The following DCAF1 variants were observed in gnomAD, a reference collection of about 807,000 sequenced individuals.
DCAF1 encodes DDB1 and CUL4 associated factor 1.
DCAF1 carries 15 observed loss-of-function variants against 128.0 expected under a neutral mutation model. That is an observed-to-expected ratio of 0.12 (90% CI 0.08 to 0.18). The LOEUF (loss-of-function observed/expected upper bound fraction) is 0.18. DCAF1 is among the 10% of genes least tolerant of loss of function. The pLI, the probability that DCAF1 is intolerant of heterozygous loss-of-function variation, is 1.00. For missense variants in DCAF1, 988 were observed against 1,649.5 expected, an observed-to-expected ratio of 0.60 and a Z score of 6.95; for synonymous variants, 610 against 603.0, an observed-to-expected ratio of 1.01 and a Z score of -0.17.
the DCAF1 span, among the ~76,000 whole-genome samples, chr3:51,505,212 C>T: frequency 6.6e-6 from 1 of 151,212 alleles, no homozygotes; most frequent in Non-Finnish European, 1.5e-5. Flanking sequence ...TGCAGTGAGC[C>T]GAGATCACAC....
At chr3:51,471,058 C>A in intron 3 of DCAF1, 53 bp from the exon 4 acceptor site, 9 of 1,218,844 alleles carry the variant, frequency 7.4e-6, no homozygotes, top group Non-Finnish European at 1.1e-5. Flanking sequence ...AAAAATGGAC[C>A]ACCACTACAA....
rs563605789 is a variant in DCAF1 at position 51,490,015 on chromosome 3, T to C, written c.-8-6179A>G. 1.2e-4 allele frequency among the ~76,000 whole-genome samples: 19 copies of C among 152,228 alleles called. 1 individual carries two copies. In the South Asian group the frequency reaches 3.9e-3, roughly 32 times the overall value. On this transcript the variant is annotated intron_variant, in intron 2 of 24. Transcript: ENST00000684031. ...ACAAGAGCAACACACAAAAATCAGT[T>C]GTACTGCTATACACTAGCCAAAAAA...
upstream of DCAF1, among the ~76,000 whole-genome samples, chr3:51,501,900 C>T (rs1708825829): frequency 6.6e-6 from 1 of 152,174 alleles, no homozygotes; most frequent in African/African-American, 2.4e-5. Flanking sequence ...ATTTAACCCT[C>T]ACTACCCTGC....
At chr3:51,444,813 C>T (rs1470977303) in intron 6 of DCAF1, among the ~76,000 whole-genome samples, 2 of 151,898 alleles carry the variant, frequency 1.3e-5, no homozygotes, top group African/African-American at 4.8e-5. Context: ...GTAGCTGGGA[C>T]TACAGGCACC....
intron 5 of DCAF1, among the ~76,000 whole-genome samples, chr3:51,465,519 G>A (rs1314247621): frequency 6.6e-6 from 1 of 152,044 alleles, no homozygotes; most frequent in Non-Finnish European, 1.5e-5. Context: ...CGAGGCAGGT[G>A]GATCACCTGA....
At chr3:51,415,476 C>T (rs1334821673) in intron 18 of DCAF1, among the ~76,000 whole-genome samples, 1 of 152,140 alleles carries the variant, frequency 6.6e-6, no homozygotes, top group East Asian at 1.9e-4. Context: ...GCCTGGGTGA[C>T]AGAACAAGAC....
At chr3:51,480,104 TAA>T (rs782106577) in intron 3 of DCAF1, among the ~76,000 whole-genome samples, 153 of 93,102 alleles carry the variant, frequency 1.6e-3, no homozygotes, top group Middle Eastern at 7.6e-3. Context: ...ACCCTGTCAC[TAA>T]AAAAAAAAAA....
Position 51,420,624 on chromosome 3 carries a change from G to A in DCAF1, c.2346C>T (p.Ser782=). Reference sequence around the variant, plus strand: ...TCATCAGCTGCTGGATCTGGCAGCTGCTGAAAAGGGGCAGTTTACTGATGA... The same window carrying A: ...TCATCAGCTGCTGGATCTGGCAGCTACTGAAAAGGGGCAGTTTACTGATGA... The part of the protein sequence containing the change: ...RQIISKLPLF[S]SCQIQQLMKE... The change falls in exon 15 of 25, where the codon AGC becomes AGT. Residue 782 remains serine (S), a synonymous_variant. Coordinates refer to ENST00000684031, the MANE Select transcript of DCAF1 (RefSeq NM_001387579.1). The surrounding 1 kb of genome is among the most constrained non-coding windows in gnomAD (Gnocchi z 6.5). 1 of 1,614,012 alleles carries A rather than the reference G, an allele frequency of 6.2e-7. No individual in the cohort carries two copies. The highest frequency in any genetic ancestry group is 8.5e-7 in the Non-Finnish European group (1 of 1,179,880).
At chr3:51,401,855 CTT>C (rs1387271085) in intron 24 of DCAF1, among the ~76,000 whole-genome samples, 2 of 152,312 alleles carry the variant, frequency 1.3e-5, no homozygotes, top group East Asian at 3.9e-4. Flanking sequence ...TTCATTAAAA[CTT>C]TGTCTGACCA....
upstream of DCAF1, among the ~76,000 whole-genome samples, chr3:51,501,298 C>T (rs560111197): frequency 2.2e-4 from 34 of 152,262 alleles, no homozygotes; most frequent in Non-Finnish European, 3.2e-4. Flanking sequence ...AGGGAGTGAG[C>T]GACTTGCCCA....
rs56734063 is a variant in DCAF1, at chr3:51,498,049, CAAAAAAAAAAAAA to C, written c.-55-1282_-55-1270del. Reference sequence around the variant, plus strand: ...TGGGCAACACAGTGAGACTCTGTCTCAAAAAAAAAAAAAAAAAAAAAAAAAAAAAAAAGCCAGC... The same window carrying C: ...TGGGCAACACAGTGAGACTCTGTCTCAAAAAAAAAAAAAAAAAAAGCCAGC... On this transcript the variant is annotated intron_variant, in intron 1 of 24. Transcript: ENST00000684031. 8.2e-4 allele frequency among the ~76,000 whole-genome samples: 17 copies of C among 20,828 alleles called. 1 individual carries two copies. In the South Asian group the frequency reaches 0.011, roughly 14 times the overall value. The allele number at this position is 20,828 out of a possible 152,430, so 13.7% of individuals were successfully genotyped here. A position where few individuals can be genotyped will look rare whatever the true frequency, so the allele number is the denominator to read the frequency against.
chr3:51,423,490 A>T (rs1356689188), intron 13 of DCAF1, among the ~76,000 whole-genome samples: 28 of 150,448 alleles, frequency 1.9e-4, no homozygotes, highest in African/African-American at 6.8e-4. Context: ...CCACAGAGAG[A>T]GACTCTGTCT....
At chr3:51,476,952 G>A (rs1054218848) in intron 3 of DCAF1, among the ~76,000 whole-genome samples, 5 of 151,644 alleles carry the variant, frequency 3.3e-5, no homozygotes, top group African/African-American at 4.8e-5. Flanking sequence ...CGGGCTTGGT[G>A]GTGGGCACCT....
At chr3:51,456,326 G>A (rs1461259523) in intron 6 of DCAF1, among the ~76,000 whole-genome samples, 2 of 152,212 alleles carry the variant, frequency 1.3e-5, no homozygotes, top group Admixed American at 6.5e-5. Context: ...AGCAGTCCCA[G>A]ATCAAACTGC....
intron 4 of DCAF1, among the ~76,000 whole-genome samples, chr3:51,469,221 ATTTTTTTTTT>A (rs781851604): frequency 4.3e-5 from 5 of 116,722 alleles, no homozygotes; most frequent in African/African-American, 1.8e-4. Flanking sequence ...CCACACACAA[ATTTTTTTTTT>A]TTTTTTTTTT....
At chr3:51,499,592 C>G (rs1250942693) in intron 1 of DCAF1, among the ~76,000 whole-genome samples, 1 of 151,944 alleles carries the variant, frequency 6.6e-6, no homozygotes, top group African/African-American at 2.4e-5. Context: ...ACACCCCGCC[C>G]CCCCACTCCG....
intron 6 of DCAF1, among the ~76,000 whole-genome samples, chr3:51,454,688 T>G (rs1023362500): frequency 1.3e-5 from 2 of 151,858 alleles, no homozygotes; most frequent in Admixed American, 6.6e-5. Context: ...GTTTTGTTTT[T>G]TTTGAGACGG....
chr3:51,498,940 G>T (rs1474579960), intron 1 of DCAF1, among the ~76,000 whole-genome samples: 1 of 152,108 alleles, frequency 6.6e-6, no homozygotes, highest in Non-Finnish European at 1.5e-5. Flanking sequence ...ACAGGAAGAT[G>T]CTACTAATAT....
At chr3:51,497,011 T>C (rs1214191340) in intron 1 of DCAF1, among the ~76,000 whole-genome samples, 1 of 152,192 alleles carries the variant, frequency 6.6e-6, no homozygotes. Context: ...TTAACAACTG[T>C]TTGCCAGGCA....
Sources: allele counts gnomAD v4.1 joint callset (sites outside exome capture counted in the v4.1 genomes callset), GRCh38; gene constraint gnomAD v4.1.1; non-coding constraint Gnocchi (gnomAD v3.1); transcripts MANE v1.5; gene names NCBI Gene and HGNC (gene_info 2026-07-23, HGNC 2026-07-21).